The following EEA1 variants were observed in gnomAD, a reference collection of about 807,000 sequenced individuals.
The protein encoded by EEA1 is early endosome antigen 1.
A neutral mutation model predicts 209.2 loss-of-function variants in EEA1; 111 were observed. The observed-to-expected ratio is 0.53, with a 90% CI of 0.45 to 0.62. EEA1 has a LOEUF of 0.62. EEA1 is among the 20% of genes least tolerant of loss of function. The pLI, the probability that EEA1 is intolerant of heterozygous loss-of-function variation, is 0.00. For synonymous variants in EEA1, 536 were observed against 540.6 expected, an observed-to-expected ratio of 0.99 and a Z score of 0.12; for missense variants, 1,343 against 1,530.8, an observed-to-expected ratio of 0.88 and a Z score of 2.05.
In EEA1 at chr12:92,826,214, T is replaced by C; in HGVS notation, c.1476A>G (p.Glu492=). The stretch of plus-strand genomic sequence containing the variant: ...TGGTGCTTTGCTGAAGAGCCTGTTG[T>C]TCTTGATGCTGTTGCTTTGTTTTAT... ...QLDKTKQQHQ[E]QQALQQSTTA... The change falls in exon 13 of 29, where the codon GAA becomes GAG. Residue 492 remains glutamate, a synonymous_variant. Coordinates refer to ENST00000322349, the MANE Select transcript of EEA1 (RefSeq NM_003566.4). 2 of 1,613,744 alleles carry C rather than the reference T, an allele frequency of 1.2e-6. No homozygotes were observed. Among genetic ancestry groups the C allele is most frequent in the South Asian group, 2.2e-5 (2 of 91,076 alleles).
rs775728550 is a variant in EEA1 at position 92,842,575 on chromosome 12, T to C, written c.805A>G (p.Ile269Val). Reference protein sequence around the residue: ...QSQYASSEATISQLRSELAKG... With the variant: ...QSQYASSEATVSQLRSELAKG... ...GCAAGTTCACTCCTTAGCTGGCTTA[T>C]TGTGGCCTAACAAAACAAAACAAAA... The change falls in exon 10 of 29, where the codon ATA becomes GTA. Residue 269 changes from isoleucine to valine, a missense_variant. Around this residue, in one of 3 missense-constraint regions of EEA1, gnomAD observed 1,307 missense variants for 1,465.5 expected, o/e 0.89. Coordinates refer to ENST00000322349, the MANE Select transcript of EEA1 (RefSeq NM_003566.4). The C allele has an allele frequency of 9.5e-6, 15 of 1,582,720 alleles. No individual in the cohort carries two copies. The highest frequency in any genetic ancestry group is 1.3e-5 in the Non-Finnish European group (15 of 1,161,438).
At chr12:92,853,780 A>G (rs1592737777) in intron 6 of EEA1, 135 bp downstream of exon 6, 2 of 607,166 alleles carry the variant, frequency 3.3e-6, no homozygotes, top group East Asian at 6.5e-5. Flanking sequence ...GAATATGACC[A>G]TTATCTTCAC....
Position 92,874,184 on chromosome 12 carries a change from G to T in EEA1, c.118-9197C>A, listed in dbSNP as rs553228966. 1.9e-4 allele frequency among the ~76,000 whole-genome samples: 29 copies of T among 152,156 alleles called. No individual in the cohort carries two copies. The East Asian group carries it at 5.2e-3, about 27-fold the overall frequency. On this transcript the variant is annotated intron_variant, in intron 2 of 28. Coordinates refer to ENST00000322349, the MANE Select transcript of EEA1 (RefSeq NM_003566.4). ...AAAAAAAAAAAATTTAGCCAGGCAT[G>T]GTGGCATGCACCTATAGTCCCAGGT...
intron 13 of EEA1, among the ~76,000 whole-genome samples, chr12:92,822,002 A>AT (rs1213380522): frequency 6.6e-6 from 1 of 150,808 alleles, no homozygotes; most frequent in African/African-American, 2.4e-5. Context: ...ATATATACAT[A>AT]TAACTACATA....
At chr12:92,789,524 A>G (rs1004420127) in intron 21 of EEA1, among the ~76,000 whole-genome samples, 4 of 151,992 alleles carry the variant, frequency 2.6e-5, no homozygotes, top group Admixed American at 6.6e-5. Context: ...TCCTGAGAGT[A>G]GCCACGAGCA....
chr12:92,923,576 T>G (rs1188177246), intron 1 of EEA1, among the ~76,000 whole-genome samples: 1 of 152,126 alleles, frequency 6.6e-6, no homozygotes, highest in Non-Finnish European at 1.5e-5. Flanking sequence ...CTGCAAAGAC[T>G]TCCACAATCT....
intron 2 of EEA1, among the ~76,000 whole-genome samples, chr12:92,872,660 A>G (rs141675456): frequency 3.9e-5 from 6 of 152,320 alleles, no homozygotes; most frequent in Admixed American, 6.5e-5. Context: ...AATAAGAATA[A>G]TAGGATGAGG....
chr12:92,895,257 GC>G (rs1879826669), intron 1 of EEA1: 1 of 148,104 alleles, frequency 6.8e-6, no homozygotes, highest in Admixed American at 6.8e-5. Flanking sequence ...CCAAGTACAT[GC>G]CATTCTCCCG....
intron 3 of EEA1, among the ~76,000 whole-genome samples, chr12:92,859,835 A>G (rs1450812619): frequency 6.6e-6 from 1 of 152,188 alleles, no homozygotes; most frequent in Non-Finnish European, 1.5e-5. Flanking sequence ...CTTGAGCTCT[A>G]TTATGAATGT....
At position 92,878,179 on chromosome 12, in the gene EEA1, T is replaced by C. The variant is rs563024791; in HGVS notation, c.118-13192A>G. Reference sequence around the variant, plus strand: ...ACTTCAGGAGGCCAAGGTGGGAGGATTGCTTGAAGCCAGGAGCTTGAGACC... The same window carrying C: ...ACTTCAGGAGGCCAAGGTGGGAGGACTGCTTGAAGCCAGGAGCTTGAGACC... On this transcript the variant is annotated intron_variant, in intron 2 of 28. Coordinates refer to ENST00000322349, the MANE Select transcript of EEA1 (RefSeq NM_003566.4). Among the ~76,000 whole-genome samples the C allele has an allele frequency of 5.3e-5, 8 of 152,210 alleles. No homozygotes were observed. The South Asian group carries it at 1.0e-3, about 20-fold the overall frequency.
chr12:92,908,894 G>A (rs1880477869), intron 1 of EEA1, among the ~76,000 whole-genome samples: 1 of 152,160 alleles, frequency 6.6e-6, no homozygotes, highest in Non-Finnish European at 1.5e-5. Context: ...TACAATCTCA[G>A]TTCACTGCAA....
Position 92,897,269 on chromosome 12 carries a change from G to A in EEA1, c.25-5548C>T, listed in dbSNP as rs116169171. Among the ~76,000 whole-genome samples the A allele has an allele frequency of 6.8e-3, 1,033 of 152,296 alleles. 11 individuals are homozygous for A. The highest frequency in any genetic ancestry group is 0.024 in the African/African-American group (984 of 41,562). On this transcript the variant is annotated intron_variant, in intron 1 of 28. Transcript: ENST00000322349. ...ATCCACAACAAATCAGACTGATTGT[G>A]GGCAAGTCTTCATTTGCATAGAAGT...
At chr12:92,777,720 C>G in intron 26 of EEA1, 57 bp from the exon 27 acceptor site, 1 of 1,531,738 alleles carries the variant, frequency 6.5e-7, no homozygotes, top group Non-Finnish European at 8.9e-7. Flanking sequence ...AAAGACCCTT[C>G]TAGGGTATAG....
At chr12:92,813,874 A>G (rs541665256) in intron 15 of EEA1, among the ~76,000 whole-genome samples, 2 of 152,032 alleles carry the variant, frequency 1.3e-5, no homozygotes, top group Non-Finnish European at 2.9e-5. Context: ...TTAGCTGGGC[A>G]TGGTGGCATG....
intron 2 of EEA1, chr12:92,884,181 C>T: frequency 1.4e-6 from 2 of 1,380,078 alleles, no homozygotes; most frequent in Non-Finnish European, 2.0e-6. Context: ...CAAATCATGA[C>T]TCACTGAGGC....
At chr12:92,884,499 A>G in intron 2 of EEA1, 7 of 1,486,140 alleles carry the variant, frequency 4.7e-6, no homozygotes, top group Non-Finnish European at 6.5e-6. Context: ...GATGGAAGCA[A>G]TTTTGGAGGT....
chr12:92,874,141 CA>C (rs766038735), intron 2 of EEA1, among the ~76,000 whole-genome samples: 66 of 151,148 alleles, frequency 4.4e-4, no homozygotes, highest in Non-Finnish European at 8.3e-4. Flanking sequence ...GGCAAATTCC[CA>C]TCTCTACAAA....
intron 3 of EEA1, among the ~76,000 whole-genome samples, chr12:92,859,793 G>A (rs978716459): frequency 6.6e-5 from 10 of 152,318 alleles, no homozygotes; most frequent in Non-Finnish European, 1.5e-4. Flanking sequence ...GCCTGGCAAT[G>A]CCACAGCCCT....
chr12:92,863,253 A>T (rs79412308), intron 3 of EEA1, among the ~76,000 whole-genome samples: 6,109 of 152,272 alleles, frequency 0.04, 406 homozygotes, highest in African/African-American at 0.14. Context: ...CTAAAAGACA[A>T]AGTTTATCTT....
Sources: gnomAD v4.1 joint callset for allele counts (sites outside exome capture counted in the v4.1 genomes callset) on GRCh38, gnomAD v4.1.1 for gene constraint, gnomAD v4.1.1 regional missense constraint, MANE v1.5 for transcripts, NCBI Gene and HGNC (gene_info 2026-07-23, HGNC 2026-07-21) for gene names.